The following MBD5 variants were observed in gnomAD, a reference collection of about 807,000 sequenced individuals.
MBD5 encodes the protein methyl-CpG-binding domain protein 5.
In MBD5, 13 loss-of-function variants were observed where a neutral mutation model predicts 117.3. That is an observed-to-expected ratio of 0.11 (90% CI 0.07 to 0.18). The LOEUF is 0.18. Among genes scored for constraint, MBD5 ranks in the 10% least tolerant of loss-of-function variants. The pLI is 1.00. For missense variants in MBD5, 1,879 were observed against 2,093.8 expected (o/e 0.90, Z 2.00); for synonymous variants, 727 against 766.4 (o/e 0.95, Z 0.85).
intron 1 of MBD5, among the ~76,000 whole-genome samples, chr2:148,111,470 GA>G (rs1696502072): frequency 6.6e-6 from 1 of 152,190 alleles, no homozygotes; most frequent in African/African-American, 2.4e-5. Flanking sequence ...AAAGGAGAAT[GA>G]GAGTGAATTA....
chr2:148,361,658 C>T (rs764100357), intron 4 of MBD5, among the ~76,000 whole-genome samples: 1 of 152,198 alleles, frequency 6.6e-6, no homozygotes, highest in South Asian at 2.1e-4. Context: ...TTTAAAGACA[C>T]GTTGCCAATC....
chr2:148,114,255 AG>A lies in MBD5; in HGVS notation c.-924-64443del, dbSNP rs556748443. On this transcript the variant is annotated intron_variant, in intron 1 of 13. Coordinates refer to ENST00000642680, the MANE Select transcript of MBD5 (RefSeq NM_001378120.1). ...GGAGGCCAAGGCAGGCGGGATCACAAGGTCAGGAGTTGGAGACCAGCCTGGC... is the reference window on the plus strand; with the variant it reads ...GGAGGCCAAGGCAGGCGGGATCACAAGTCAGGAGTTGGAGACCAGCCTGGC... 3.3e-3 allele frequency among the ~76,000 whole-genome samples: 502 copies of A among 152,294 alleles called. 2 individuals are homozygous for A. Among genetic ancestry groups the A allele is most frequent in the Non-Finnish European group, 6.0e-3 (407 of 68,014 alleles).
At chr2:148,199,252 C>T (rs1262619924) in intron 2 of MBD5, among the ~76,000 whole-genome samples, 2 of 152,118 alleles carry the variant, frequency 1.3e-5, no homozygotes, top group Non-Finnish European at 2.9e-5. Context: ...TACCTAAAGT[C>T]AGCTGATTGT....
chr2:148,116,559 A>T (rs1696646174), intron 1 of MBD5, among the ~76,000 whole-genome samples: 1 of 152,210 alleles, frequency 6.6e-6, no homozygotes, highest in African/African-American at 2.4e-5. Context: ...TTCATGTACC[A>T]GGGTGGACGT....
chr2:148,314,314 A>G (rs1369517929), intron 3 of MBD5, among the ~76,000 whole-genome samples: 1 of 150,978 alleles, frequency 6.6e-6, no homozygotes, highest in Non-Finnish European at 1.5e-5. Context: ...TTTATATTGT[A>G]TGAAAACAAG....
At chr2:148,356,773 T>A (rs1057176745) in intron 4 of MBD5, among the ~76,000 whole-genome samples, 2 of 152,122 alleles carry the variant, frequency 1.3e-5, no homozygotes, top group African/African-American at 4.8e-5. Context: ...TTCTTCCCCC[T>A]TTTCCTTGGG....
intron 1 of MBD5, among the ~76,000 whole-genome samples, chr2:148,024,034 G>A (rs1232454502): frequency 6.6e-6 from 1 of 151,974 alleles, no homozygotes; most frequent in African/African-American, 2.4e-5. Flanking sequence ...GACAGAGCAG[G>A]GACCAGGGAA....
At chr2:148,164,230 C>T (rs1414089060) in intron 1 of MBD5, among the ~76,000 whole-genome samples, 1 of 152,160 alleles carries the variant, frequency 6.6e-6, no homozygotes, top group African/African-American at 2.4e-5. Flanking sequence ...CTCAAAGCTT[C>T]TGCTACTATC....
intron 4 of MBD5, among the ~76,000 whole-genome samples, chr2:148,365,158 T>A (rs1703659366): frequency 6.6e-6 from 1 of 152,250 alleles, no homozygotes; most frequent in Admixed American, 6.5e-5. Context: ...CACAGTGCAA[T>A]CAAATTAGAA....
At chr2:148,442,501 T>G (rs67081781) in intron 4 of MBD5, among the ~76,000 whole-genome samples, 2 of 150,818 alleles carry the variant, frequency 1.3e-5, no homozygotes, top group African/African-American at 5.0e-5. Context: ...TTGTAAAAAA[T>G]AGACTATGTT....
chr2:148,356,647 C>T (rs1046236289), intron 4 of MBD5, among the ~76,000 whole-genome samples: 7 of 152,012 alleles, frequency 4.6e-5, no homozygotes, highest in African/African-American at 4.8e-5. Context: ...GCAATTTTTC[C>T]GTTTTCTTAG....
At chr2:148,308,847 G>A (rs1701961029) in intron 3 of MBD5, among the ~76,000 whole-genome samples, 1 of 151,934 alleles carries the variant, frequency 6.6e-6, no homozygotes, top group South Asian at 2.1e-4. Context: ...GTAAGGAAGG[G>A]GTCCAGTTTC....
chr2:148,375,925 CT>C (rs1474517720), intron 4 of MBD5, among the ~76,000 whole-genome samples: 1 of 151,924 alleles, frequency 6.6e-6, no homozygotes, highest in Non-Finnish European at 1.5e-5. Context: ...AGAAGCACAT[CT>C]GGGGTTGTAG....
At chr2:148,344,822 C>G (rs948583856) in intron 4 of MBD5, among the ~76,000 whole-genome samples, 3 of 151,778 alleles carry the variant, frequency 2.0e-5, no homozygotes, top group African/African-American at 7.3e-5. Context: ...AATCATGTAA[C>G]CACCTTCCTT....
In MBD5 at chr2:148,468,544, C is replaced by A. The variant is rs200287454; in HGVS notation, c.601C>A (p.Gln201Lys). The A allele has an allele frequency of 1.9e-6, 3 of 1,613,912 alleles. No homozygotes were observed. In the East Asian group the frequency reaches 6.7e-5, roughly 36 times the overall value. ...QQELHPVYPRQRLGSSEHGQK... is the reference protein window; with the variant it reads ...QQELHPVYPRKRLGSSEHGQK... ...AGAACTCCACCCTGTCTACCCCCGA[C>A]AGAGATTGGGCAGCAGTGAACATGG... is the stretch of plus-strand genomic sequence containing the variant. The change falls in exon 8 of 14, where the codon CAG becomes AAG. Residue 201 changes from glutamine (Q) to lysine (K), a missense_variant. Transcript: ENST00000642680.
intron 2 of MBD5, among the ~76,000 whole-genome samples, chr2:148,182,635 G>A (rs1237112226): frequency 6.6e-6 from 1 of 152,146 alleles, no homozygotes; most frequent in African/African-American, 2.4e-5. Context: ...ATCTGGTTCT[G>A]GGGATTTTGG....
At chr2:148,314,860 A>G (rs1034204195) in intron 3 of MBD5, among the ~76,000 whole-genome samples, 1 of 152,132 alleles carries the variant, frequency 6.6e-6, no homozygotes, top group African/African-American at 2.4e-5. Flanking sequence ...GCATATATAT[A>G]TATGGTTATT....
At chr2:148,382,157 G>C (rs1357260265) in intron 4 of MBD5, among the ~76,000 whole-genome samples, 2 of 119,354 alleles carry the variant, frequency 1.7e-5, no homozygotes, top group East Asian at 3.5e-4. Context: ...AAAAGACACA[G>C]ACTGGCAAAT....
chr2:148,344,879 T>C (rs1703047526), intron 4 of MBD5, among the ~76,000 whole-genome samples: 1 of 151,910 alleles, frequency 6.6e-6, no homozygotes, highest in South Asian at 2.1e-4. Context: ...TATTCATATC[T>C]GATGATTTTT....
Sources: gnomAD v4.1 joint callset for allele counts (sites outside exome capture counted in the v4.1 genomes callset) on GRCh38, gnomAD v4.1.1 for gene constraint, MANE v1.5 for transcripts, NCBI Gene and HGNC (gene_info 2026-07-23, HGNC 2026-07-21) for gene names.